Variants in MFSD12 observed in about 807,000 individuals in gnomAD.
MFSD12 encodes the protein major facilitator superfamily domain containing 12, also known as major facilitator superfamily domain-containing protein 12.
Under a neutral mutation model 51.2 loss-of-function variants are expected in MFSD12, and 67 were observed. That is an observed-to-expected ratio of 1.31 (90% confidence interval 1.08 to 1.60). The LOEUF (loss-of-function observed/expected upper bound fraction) is 1.60, where lower values mean the gene tolerates loss of function less well. MFSD12 is among the 40% of genes most tolerant of loss of function. The pLI, the probability that MFSD12 is intolerant of heterozygous loss-of-function variation, is 0.00. For missense variants in MFSD12, 921 were observed against 673.0 expected, an observed-to-expected ratio of 1.37 and a Z score of -4.08; for synonymous variants, 441 against 316.7, an observed-to-expected ratio of 1.39 and a Z score of -4.17.
Position 3,546,266 on chromosome 19 carries a change from C to T in MFSD12, c.1183G>A (p.Gly395Ser), listed in dbSNP as rs34878396. The part of the protein sequence containing the change: ...TSLAMTADLI[G>S]PHTNSGAFVY... ...GCTACCAGCCCTACCGTGTGGGGAC[C>T]GATGAGGTCGGCCGTCATGGCCAGC... The change falls in exon 7 of 10, where the codon GGT (glycine) becomes AGT (serine). Residue 395 changes from glycine to serine, a missense_variant. Gly to Ser is a moderately conservative substitution (Grantham distance 56, BLOSUM62 0). Coordinates refer to ENST00000355415, the MANE Select transcript of MFSD12 (RefSeq NM_174983.5). 8.2e-3 allele frequency: 13,227 copies of T among 1,610,588 alleles called. 86 individuals carry two copies. The highest frequency in any genetic ancestry group is 0.011 in the Non-Finnish European group (12,534 of 1,179,038).
intron 1 of MFSD12, among the ~76,000 whole-genome samples, chr19:3,554,626 C>T (rs2031645158): frequency 6.6e-6 from 1 of 152,156 alleles, no homozygotes; most frequent in South Asian, 2.1e-4. Context: ...GGAATGCGCC[C>T]CTCCACACAC....
chr19:3,545,075 C>T, intron 8 of MFSD12, 136 bp from the exon 9 acceptor site: 1 of 1,166,848 alleles, frequency 8.6e-7, no homozygotes, highest in Non-Finnish European at 1.2e-6. Context: ...CTGCCACTCC[C>T]TCCCTCCTGT....
chr19:3,547,842 A>G lies in MFSD12; in HGVS notation c.837+6T>C. 6.7e-7 allele frequency: 1 copy of G among 1,492,588 alleles called. No homozygotes were observed. The highest frequency in any genetic ancestry group is 1.3e-5 in the South Asian group (1 of 74,886). 92.5% of individuals were successfully genotyped at this position (1,492,588 alleles called of 1,614,324 possible). A position where few individuals can be genotyped will look rare whatever the true frequency, so the allele number is the denominator to read the frequency against. On this transcript the variant is annotated splice_donor_region_variant and intron_variant, in intron 4 of 9. Transcript: ENST00000355415. ...CCACGCCAGCCCCACCGTCCCCAGC[A>G]CGCACCTGGTAGAAAGCCGGCTCCC... is the stretch of plus-strand genomic sequence containing the variant.
At chr19:3,544,017 G>T, downstream of MFSD12, 3 of 1,530,590 alleles carry the variant, frequency 2.0e-6, no homozygotes, top group South Asian at 3.7e-5. Context: ...ATAAAGGCAT[G>T]CTACCAGGAT....
Position 3,551,194 on chromosome 19 carries a change from C to T in MFSD12, c.299G>A (p.Gly100Asp). Residue 100 changes from glycine to aspartate, a missense_variant and splice_region_variant, in exon 2 of 10, where the codon GGC (glycine) becomes GAC (aspartate). Gly to Asp is a moderately conservative substitution (Grantham distance 94, BLOSUM62 -1). Coordinates refer to ENST00000355415, the MANE Select transcript of MFSD12 (RefSeq NM_174983.5). This position sits in a 1 kb window ranked among gnomAD's most constrained non-coding sequence, Gnocchi z 4.6. ...GAAGGACAGCAGGACGCAGACGGTG[C>T]CTGTGGAAGGCAGAGTGGTCAGTCG... ...YGPRKAWHLV[G>D]TVCVLLSFPF... 6.2e-7 allele frequency: 1 copy of T among 1,600,494 alleles called. No homozygotes were observed. Among genetic ancestry groups the T allele is most frequent in the Non-Finnish European group, 8.5e-7 (1 of 1,173,518 alleles).
chr19:3,547,433 G>GT, intron 5 of MFSD12, 22 bp downstream of exon 5: 1 of 1,612,010 alleles, frequency 6.2e-7, no homozygotes, highest in Non-Finnish European at 8.5e-7. Flanking sequence ...CCATCCCAGC[G>GT]TCCCCGCCCC....
rs139334559 is a variant in MFSD12, at chr19:3,544,446, G to A, written c.*264C>T. 5.6e-4 allele frequency: 754 copies of A among 1,339,606 alleles called. 1 individual carries two copies. The African/African-American group carries it at 9.2e-3, about 16-fold the overall frequency. The allele number at this position is 1,339,606 out of a possible 1,614,324, so 83.0% of individuals were successfully genotyped here. On this transcript the variant is annotated 3_prime_UTR_variant, in exon 10 of 10. Coordinates refer to ENST00000355415, the MANE Select transcript of MFSD12 (RefSeq NM_174983.5). Reference sequence around the variant, plus strand: ...GGATTCCTACTTCCTGTTCCCTGCCGAGAGGGGCACCCCAAATCCTCCAGA... The same window carrying A: ...GGATTCCTACTTCCTGTTCCCTGCCAAGAGGGGCACCCCAAATCCTCCAGA...
Position 3,551,262 on chromosome 19 carries a change from T to A in MFSD12, c.299-68A>T, listed in dbSNP as rs2031462759. 1 of 1,294,610 alleles carries A rather than the reference T, an allele frequency of 7.7e-7. No homozygotes were observed. The highest frequency in any genetic ancestry group is 1.1e-6 in the Non-Finnish European group (1 of 944,072). The allele number at this position is 1,294,610 out of a possible 1,614,324, so 80.2% of individuals were successfully genotyped here. On this transcript the variant is annotated intron_variant, in intron 1 of 9. Transcript: ENST00000355415. This position sits in a 1 kb window ranked among gnomAD's most constrained non-coding sequence, Gnocchi z 4.6. ...AGCCAGGGCTCCCAGGGTGAGGACA[T>A]GGAGGGAGGAGAGAGGGAAACTGAG...
rs746490603 is a variant in MFSD12, at chr19:3,546,288, C to G, written c.1161G>C (p.Leu387=). 4.0e-5 allele frequency: 64 copies of G among 1,610,372 alleles called. 1 individual carries two copies. Among genetic ancestry groups the G allele is most frequent in the Middle Eastern group, 1.6e-4 (1 of 6,080 alleles). ...AGCATILVTS[L]AMTADLIGPH... ...GACCGATGAGGTCGGCCGTCATGGC[C>G]AGCGAGGTGACGAGGATGGTGGCAC... The change falls in exon 7 of 10, where the codon CTG becomes CTC. Residue 387 remains leucine, a synonymous_variant. Coordinates refer to ENST00000355415, the MANE Select transcript of MFSD12 (RefSeq NM_174983.5).
In MFSD12 at chr19:3,548,281, G is replaced by A. The variant is rs376061301; in HGVS notation, c.510-14C>T. The A allele has an allele frequency of 1.4e-5, 21 of 1,546,014 alleles. No homozygotes were observed. The highest frequency in any genetic ancestry group is 5.9e-5 in the South Asian group (5 of 84,050). ...GTGAACGCATACCTGGCGGGCAGGCGGGCAGGGACTCAACAAGACGCCAGG... is the reference window on the plus strand; with the variant it reads ...GTGAACGCATACCTGGCGGGCAGGCAGGCAGGGACTCAACAAGACGCCAGG... On this transcript the variant is annotated splice_polypyrimidine_tract_variant and intron_variant, in intron 2 of 9. Coordinates refer to ENST00000355415, the MANE Select transcript of MFSD12 (RefSeq NM_174983.5).
downstream of MFSD12, chr19:3,542,217 C>T (rs115940236): frequency 1.9e-5 from 19 of 985,196 alleles, no homozygotes; most frequent in Admixed American, 6.2e-5. Flanking sequence ...GTGGAAAAGC[C>T]GAGTCTATGT....
rs749412234 is a variant in MFSD12 at position 3,547,844 on chromosome 19, G to A, written c.837+4C>T. 3.4e-5 allele frequency: 51 copies of A among 1,494,292 alleles called. No homozygotes were observed. The highest frequency in any genetic ancestry group is 2.5e-4 in the South Asian group (19 of 75,246). The allele number at this position is 1,494,292 out of a possible 1,614,324, so 92.6% of individuals were successfully genotyped here. A position where few individuals can be genotyped will look rare whatever the true frequency, so the allele number is the denominator to read the frequency against. On this transcript the variant is annotated splice_donor_region_variant and intron_variant, in intron 4 of 9. Coordinates refer to ENST00000355415, the MANE Select transcript of MFSD12 (RefSeq NM_174983.5). Reference sequence around the variant, plus strand: ...ACGCCAGCCCCACCGTCCCCAGCACGCACCTGGTAGAAAGCCGGCTCCCGG... The same window carrying A: ...ACGCCAGCCCCACCGTCCCCAGCACACACCTGGTAGAAAGCCGGCTCCCGG...
At chr19:3,541,714 C>T (rs542299338), downstream of MFSD12, 35 of 985,350 alleles carry the variant, frequency 3.6e-5, 1 homozygote, top group South Asian at 4.7e-4. Context: ...GTACCACCTG[C>T]TCCTGGGAGG....
intron 1 of MFSD12, among the ~76,000 whole-genome samples, chr19:3,555,712 T>C (rs1056261223): frequency 6.6e-5 from 10 of 152,214 alleles, no homozygotes; most frequent in African/African-American, 1.4e-4. Context: ...CCAGTCATTG[T>C]TCCCAAGGGT....
At chr19:3,554,147 C>T (rs1362684770) in intron 1 of MFSD12, among the ~76,000 whole-genome samples, 1 of 151,656 alleles carries the variant, frequency 6.6e-6, no homozygotes, top group East Asian at 1.9e-4. Flanking sequence ...GTGAAAGTTC[C>T]TGCCCATGGC....
intron 6 of MFSD12, 103 bp from the exon 7 acceptor site, chr19:3,546,528 G>A: frequency 7.3e-7 from 1 of 1,373,958 alleles, no homozygotes; most frequent in East Asian, 2.5e-5. Context: ...CAAGGCATGA[G>A]CTGGATGGTC....
rs773600458 is a variant in MFSD12 at position 3,544,856 on chromosome 19, G to A, written c.1373C>T (p.Ala458Val). Residue 458 changes from alanine (A) to valine (V), a missense_variant, in exon 9 of 10, where the codon GCC becomes GTC. By Grantham distance (64) the Ala-to-Val change is moderately conservative. Transcript: ENST00000355415. ...CAGCAGGAGGCTACAGAGACACAGG[G>A]CAGCGGCCACGCCCACGCCGCCCGT... ...AVTGGVGVAA[A>V]LCLCSLLLWP... 1.2e-6 allele frequency: 2 copies of A among 1,612,084 alleles called. No homozygotes were observed. The highest frequency in any genetic ancestry group is 4.5e-5 in the East Asian group (2 of 44,868).
In MFSD12 at chr19:3,557,257, C is replaced by T; in HGVS notation, c.147G>A (p.Ser49=). Reference sequence around the variant, plus strand: ...CGCCGCGGGAGCTGTAGGCGCGCACCGAGTGCAGGTAGAGCAGCAGGTAGG... The same window carrying T: ...CGCCGCGGGAGCTGTAGGCGCGCACTGAGTGCAGGTAGAGCAGCAGGTAGG... ...WFTYLLLYLH[S]VRAYSSRGAG... Residue 49 remains serine, a synonymous_variant, in exon 1 of 10, where the codon TCG becomes TCA. Transcript: ENST00000355415. 1 of 1,597,368 alleles carries T rather than the reference C, an allele frequency of 6.3e-7. No individual in the cohort carries two copies. The highest frequency in any genetic ancestry group is 8.5e-7 in the Non-Finnish European group (1 of 1,173,480).
intron 2 of MFSD12, among the ~76,000 whole-genome samples, chr19:3,549,927 G>C (rs936391645): frequency 2.0e-5 from 3 of 152,110 alleles, no homozygotes; most frequent in Admixed American, 2.0e-4. Flanking sequence ...CTGGCTGACA[G>C]AGCGAGATCC....
Sources: gnomAD v4.1 joint callset for allele counts (sites outside exome capture counted in the v4.1 genomes callset) on GRCh38, gnomAD v4.1.1 for gene constraint, Gnocchi (gnomAD v3.1) non-coding constraint, MANE v1.5 for transcripts, NCBI Gene and HGNC (gene_info 2026-07-23, HGNC 2026-07-21) for gene names.